Variants in AMZ1 observed in about 807,000 individuals in gnomAD.
The protein encoded by AMZ1 is archaemetzincin-1.
Under a neutral mutation model 29.9 loss-of-function variants are expected in AMZ1, and 39 were observed. That is an observed-to-expected ratio of 1.30 (90% CI 1.01 to 1.70). The LOEUF (loss-of-function observed/expected upper bound fraction) is 1.70. Ranked by LOEUF, AMZ1 falls within the 40% of genes most tolerant of loss-of-function variation. AMZ1 has a pLI of 0.00. For missense variants in AMZ1, 1,041 were observed against 680.6 expected (o/e 1.53, Z -5.89); for synonymous variants, 458 against 304.0 (o/e 1.51, Z -5.27).
At chr7:2,722,493 G>C (rs552636271), downstream of AMZ1, among the ~76,000 whole-genome samples, 45 of 152,202 alleles carry the variant, frequency 3.0e-4, no homozygotes, top group African/African-American at 1.1e-3. Context: ...GGATGGTGTC[G>C]ATCTCCTGAC....
upstream of AMZ1, among the ~76,000 whole-genome samples, chr7:2,761,659 C>T (rs555595081): frequency 6.6e-6 from 1 of 152,304 alleles, no homozygotes; most frequent in Non-Finnish European, 1.5e-5. Flanking sequence ...GACAATTTCA[C>T]AGGATTTACA....
Position 2,717,535 on chromosome 7 carries a change from C to T in AMZ1, c.*4657C>T, listed in dbSNP as rs141577516. On this transcript the variant is annotated 3_prime_UTR_variant, in exon 7 of 7. Transcript: ENST00000683327. Reference sequence around the variant, plus strand: ...AAATCTAGCTGTGATCCCTGTGGGGCAACTGCACACAGAGGTGCCCAGTTT... The same window carrying T: ...AAATCTAGCTGTGATCCCTGTGGGGTAACTGCACACAGAGGTGCCCAGTTT... Among the ~76,000 whole-genome samples, 309 of 152,354 alleles carry T rather than the reference C, an allele frequency of 2.0e-3. No individual in the cohort carries two copies. The highest frequency in any genetic ancestry group is 3.0e-3 in the Non-Finnish European group (201 of 68,038).
upstream of AMZ1, among the ~76,000 whole-genome samples, chr7:2,686,839 C>T (rs552468290): frequency 1.2e-4 from 18 of 151,988 alleles, no homozygotes; most frequent in Non-Finnish European, 2.2e-4. Context: ...TTCAGCCTCC[C>T]GAGTAGCTGG....
intron 1 of AMZ1, among the ~76,000 whole-genome samples, chr7:2,692,867 TC>T (rs1787484577): frequency 6.6e-6 from 1 of 152,062 alleles, no homozygotes; most frequent in Non-Finnish European, 1.5e-5. Flanking sequence ...CCCTGTTCTT[TC>T]CCCCAATTTG....
At chr7:2,707,620 G>C (rs1481382440) in intron 3 of AMZ1, among the ~76,000 whole-genome samples, 1 of 152,074 alleles carries the variant, frequency 6.6e-6, no homozygotes, top group Non-Finnish European at 1.5e-5. Flanking sequence ...TCACAGTGCT[G>C]TGGGTCAGGA....
intron 3 of AMZ1, among the ~76,000 whole-genome samples, chr7:2,705,183 C>T (rs555254309): frequency 6.6e-6 from 1 of 152,298 alleles, no homozygotes; most frequent in Non-Finnish European, 1.5e-5. Flanking sequence ...TTTCCTTCTG[C>T]CAGGCACCAA....
downstream of AMZ1, among the ~76,000 whole-genome samples, chr7:2,723,686 G>T (rs1278658279): frequency 6.6e-6 from 1 of 152,194 alleles, no homozygotes; most frequent in Non-Finnish European, 1.5e-5. Context: ...CAGCTTCAGG[G>T]CAGAGGCTGA....
At chr7:2,754,361 C>G (rs913956771) in intron 4 of AMZ1, among the ~76,000 whole-genome samples, 3 of 152,106 alleles carry the variant, frequency 2.0e-5, no homozygotes, top group Admixed American at 6.6e-5. Context: ...TTTGAGAGTT[C>G]TGTTTTCTAG....
intron 3 of AMZ1, among the ~76,000 whole-genome samples, chr7:2,703,315 ATT>A (rs979038697): frequency 6.6e-6 from 1 of 151,892 alleles, no homozygotes; most frequent in Non-Finnish European, 1.5e-5. Flanking sequence ...TAATTTTTGT[ATT>A]TTTAGTTGAG....
downstream of AMZ1, among the ~76,000 whole-genome samples, chr7:2,724,130 A>T (rs971393428): frequency 1.3e-5 from 2 of 152,004 alleles, no homozygotes; most frequent in African/African-American, 4.8e-5. Flanking sequence ...CATCTTGGCC[A>T]GGCTGGTCTT....
chr7:2,710,279 G>C (rs144983211), intron 6 of AMZ1, among the ~76,000 whole-genome samples: 1 of 152,340 alleles, frequency 6.6e-6, no homozygotes, highest in East Asian at 1.9e-4. Context: ...TCCCTCTGTC[G>C]CCTGGGTGGG....
At chr7:2,736,194 TTA>T (rs756224225) in intron 4 of AMZ1, among the ~76,000 whole-genome samples, 1 of 152,182 alleles carries the variant, frequency 6.6e-6, no homozygotes, top group Non-Finnish European at 1.5e-5. Context: ...CCACATGAAA[TTA>T]ACCGCTTGGT....
downstream of AMZ1, among the ~76,000 whole-genome samples, chr7:2,719,864 G>A (rs1056972735): frequency 6.6e-6 from 1 of 152,010 alleles, no homozygotes; most frequent in Non-Finnish European, 1.5e-5. Flanking sequence ...TGTATTTTTA[G>A]TAGAAATGGG....
chr7:2,701,289 G>C (rs1788039197), intron 2 of AMZ1, among the ~76,000 whole-genome samples: 2 of 152,180 alleles, frequency 1.3e-5, no homozygotes, highest in African/African-American at 4.8e-5. Context: ...CATTTCGCCG[G>C]CAAGGAGATG....
chr7:2,687,014 T>A (rs1787104642), upstream of AMZ1, among the ~76,000 whole-genome samples: 2 of 151,380 alleles, frequency 1.3e-5, no homozygotes, highest in Non-Finnish European at 3.0e-5. Flanking sequence ...CGCCCAGCCG[T>A]GTTATTTCTT....
rs185179961 is a variant in AMZ1, at chr7:2,693,802, G to T, written c.-219+5506G>T. On this transcript the variant is annotated intron_variant, in intron 1 of 6. Transcript: ENST00000683327. ...GATCTCCTGACCTCCTGATCCGCTC[G>T]CCTCGGCCTCCCAAAGTGCTGAGAA... Among the ~76,000 whole-genome samples the T allele has an allele frequency of 3.7e-3, 562 of 152,234 alleles. 4 individuals carry two copies. Among genetic ancestry groups the T allele is most frequent in the African/African-American group, 0.013 (535 of 41,542 alleles).
At chr7:2,741,985 TC>T in intron 4 of AMZ1, among the ~76,000 whole-genome samples, 1 of 151,976 alleles carries the variant, frequency 6.6e-6, no homozygotes, top group Admixed American at 6.6e-5. Flanking sequence ...TTATCATGCC[TC>T]TTTAGTTTCA....
At chr7:2,711,993 G>T (rs1324409672) in intron 6 of AMZ1, among the ~76,000 whole-genome samples, 1 of 152,214 alleles carries the variant, frequency 6.6e-6, no homozygotes, top group Non-Finnish European at 1.5e-5. Context: ...GTTGCAGTGA[G>T]CTGAGATCGC....
downstream of AMZ1, among the ~76,000 whole-genome samples, chr7:2,721,300 G>A (rs1216911188): frequency 6.6e-6 from 1 of 152,228 alleles, no homozygotes; most frequent in Non-Finnish European, 1.5e-5. Flanking sequence ...CACCGCAGAT[G>A]TGTGGAAGAT....
Sources: allele counts gnomAD v4.1 joint callset (sites outside exome capture counted in the v4.1 genomes callset), GRCh38; gene constraint gnomAD v4.1.1; transcripts MANE v1.5; gene names NCBI Gene and HGNC (gene_info 2026-07-23, HGNC 2026-07-21).